The following MAP2K2 variants were observed in gnomAD, a reference collection of about 807,000 sequenced individuals.
MAP2K2 encodes the protein mitogen-activated protein kinase kinase 2, also known as dual specificity mitogen-activated protein kinase kinase 2.
A neutral mutation model predicts 43.7 loss-of-function variants in MAP2K2; 24 were observed. The observed-to-expected ratio is 0.55, with a 90% CI of 0.40 to 0.77. MAP2K2 has a LOEUF of 0.77. Ranked by LOEUF, MAP2K2 falls within the 30% of genes least tolerant of loss-of-function variation. MAP2K2 has a pLI of 0.00. For missense variants in MAP2K2, 470 were observed against 566.8 expected (o/e 0.83, Z 1.73); for synonymous variants, 244 against 239.7 (o/e 1.02, Z -0.17).
intron 6 of MAP2K2, 105 bp from the exon 7 acceptor site, chr19:4,099,519 G>T: frequency 3.3e-6 from 3 of 902,236 alleles, no homozygotes; most frequent in South Asian, 3.0e-5. Context: ...CATGGCTAAT[G>T]ACCGCAGCAA....
chr19:4,090,761 G>T, intron 10 of MAP2K2, 53 bp from the exon 11 acceptor site: 2 of 1,240,488 alleles, frequency 1.6e-6, no homozygotes, highest in Non-Finnish European at 2.3e-6. Flanking sequence ...CAGTAGGACG[G>T]GGAGGGCCAG....
At chr19:4,102,648 G>T (rs2041030944) in intron 3 of MAP2K2, 195 bp from the exon 4 acceptor site, 1 of 947,402 alleles carries the variant, frequency 1.1e-6, no homozygotes, top group Admixed American at 2.1e-5. Context: ...CCACCCACAA[G>T]GTGGGGAAGG....
intron 3 of MAP2K2, chr19:4,102,907 G>C: frequency 3.4e-5 from 39 of 1,152,472 alleles, no homozygotes; most frequent in Non-Finnish European, 4.2e-5. Flanking sequence ...CGAAGGGAAG[G>C]GGAGGGTGAG....
chr19:4,096,079 T>C (rs2040913054), intron 8 of MAP2K2, among the ~76,000 whole-genome samples: 1 of 152,212 alleles, frequency 6.6e-6, no homozygotes, highest in African/African-American at 2.4e-5. Flanking sequence ...CCGGCCAAAC[T>C]GGGTCCACAG....
intron 8 of MAP2K2, among the ~76,000 whole-genome samples, chr19:4,096,950 G>T (rs1053198491): frequency 2.6e-5 from 4 of 151,220 alleles, no homozygotes; most frequent in African/African-American, 9.7e-5. Flanking sequence ...ATTGGTTCAA[G>T]AATTGCTTGA....
In MAP2K2 at chr19:4,101,409, T is replaced by C; in HGVS notation, c.529-129A>G. The C allele has an allele frequency of 9.7e-7, 1 of 1,033,994 alleles. No individual in the cohort carries two copies. Among genetic ancestry groups the C allele is most frequent in the Non-Finnish European group, 1.5e-6 (1 of 678,078 alleles). The allele number at this position is 1,033,994 out of a possible 1,614,324, so 64.1% of individuals were successfully genotyped here. On this transcript the variant is annotated intron_variant, in intron 4 of 10. Transcript: ENST00000262948. This position sits in a 1 kb window ranked among gnomAD's most constrained non-coding sequence, Gnocchi z 6.3. Reference sequence around the variant, plus strand: ...CTGCGGCAGGAACCATTTCAGGCTGTGAGGAGCTCGCTGGGGTGGAGCAAG... The same window carrying C: ...CTGCGGCAGGAACCATTTCAGGCTGCGAGGAGCTCGCTGGGGTGGAGCAAG...
intron 3 of MAP2K2, among the ~76,000 whole-genome samples, chr19:4,108,934 C>T (rs1196362960): frequency 3.3e-5 from 5 of 152,210 alleles, no homozygotes; most frequent in African/African-American, 9.6e-5. Context: ...CCCTTTGATG[C>T]CGCCGGCAAC....
chr19:4,108,082 C>T (rs1273120418), intron 3 of MAP2K2, among the ~76,000 whole-genome samples: 2 of 152,176 alleles, frequency 1.3e-5, no homozygotes, highest in African/African-American at 2.4e-5. Context: ...AACCTATGGG[C>T]ACTCAGGTGA....
intron 1 of MAP2K2, among the ~76,000 whole-genome samples, chr19:4,119,236 T>A (rs2041264171): frequency 1.3e-5 from 2 of 152,162 alleles, no homozygotes; most frequent in Admixed American, 1.3e-4. Context: ...TATTATTATT[T>A]TCTGAGACAA....
Position 4,099,307 on chromosome 19 carries a change from G to C in MAP2K2, c.813C>G (p.Asp271Glu), listed in dbSNP as rs201726622. Residue 271 changes from aspartate to glutamate, a missense_variant, in exon 7 of 11, where the codon GAC becomes GAG. Coordinates refer to ENST00000262948, the MANE Select transcript of MAP2K2 (RefSeq NM_030662.4). ...AVGRYPIPPP[D>E]AKELEAIFGR... ...CAAAGATGGCCTCCAGCTCTTTGGC[G>C]TCGGGCGGGGGGATGGGGTACCTTC... 97 of 1,606,922 alleles carry C rather than the reference G, an allele frequency of 6.0e-5. No individual in the cohort carries two copies. Among genetic ancestry groups the C allele is most frequent in the Admixed American group, 2.0e-4 (12 of 59,090 alleles).
intron 8 of MAP2K2, 71 bp downstream of exon 8, chr19:4,097,205 TAAA>T (rs10681431): frequency 6.7e-3 from 3,779 of 567,896 alleles, no homozygotes; most frequent in Non-Finnish European, 7.6e-3. Context: ...AGACTCTGCC[TAAA>T]AAAAAAAAAA....
rs942056911 is a variant in MAP2K2, at chr19:4,095,103, C to T, written c.1046+285G>A. ...GCACACCAGGGGTCCGGGGACCAGA[C>T]AGAGGCTTCTCCTGCTGCAGACAGT... On this transcript the variant is annotated intron_variant, in intron 9 of 10. Coordinates refer to ENST00000262948, the MANE Select transcript of MAP2K2 (RefSeq NM_030662.4). The T allele has an allele frequency of 1.6e-5, 7 of 425,192 alleles. 1 individual carries two copies. Among genetic ancestry groups the T allele is most frequent in the Admixed American group, 7.5e-5 (2 of 26,496 alleles). The allele number at this position is 425,192 out of a possible 1,614,324, so 26.3% of individuals were successfully genotyped here.
chr19:4,117,281 A>G (rs1353500629), intron 2 of MAP2K2, 138 bp downstream of exon 2: 6 of 832,796 alleles, frequency 7.2e-6, no homozygotes, highest in African/African-American at 1.7e-5. Context: ...CTCAGGACCT[A>G]GAGTCCCTGG....
chr19:4,104,395 A>G (rs377521565), intron 3 of MAP2K2, among the ~76,000 whole-genome samples: 16 of 146,122 alleles, frequency 1.1e-4, no homozygotes, highest in African/African-American at 4.1e-4. Flanking sequence ...GTGAGACCCC[A>G]TACCAAAATC....
intron 3 of MAP2K2, among the ~76,000 whole-genome samples, chr19:4,106,709 G>A (rs1009182541): frequency 2.0e-5 from 3 of 151,926 alleles, no homozygotes; most frequent in African/African-American, 7.3e-5. Flanking sequence ...CCCAGCCCAT[G>A]CTATGTTTAT....
In MAP2K2 at chr19:4,101,269, G is replaced by A; in HGVS notation, c.540C>T (p.Gly180=). ...LGKVSIAVLR[G]LAYLREKHQI... ...GGTGCTTCTCTCGGAGGTACGCCAA[G>A]CCCCGGAGAACCTGCAGGGGAGCGC... Residue 180 remains glycine (G), a synonymous_variant, in exon 5 of 11, where the codon GGC becomes GGT. Coordinates refer to ENST00000262948, the MANE Select transcript of MAP2K2 (RefSeq NM_030662.4). The surrounding 1 kb of genome is among the most constrained non-coding windows in gnomAD (Gnocchi z 6.3). The A allele has an allele frequency of 6.3e-7, 1 of 1,582,722 alleles. No individual in the cohort carries two copies. Among genetic ancestry groups the A allele is most frequent in the Non-Finnish European group, 8.6e-7 (1 of 1,165,170 alleles).
At chr19:4,107,287 G>A (rs959328046) in intron 3 of MAP2K2, among the ~76,000 whole-genome samples, 1 of 152,068 alleles carries the variant, frequency 6.6e-6, no homozygotes, top group Admixed American at 6.6e-5. Flanking sequence ...ACTTTTGGGA[G>A]GCAGAGGCAG....
At position 4,101,716 on chromosome 19, in the gene MAP2K2, C is replaced by CTGGA. The variant is rs1266458355; in HGVS notation, c.529-437_529-436insTCCA. 1.3e-5 allele frequency among the ~76,000 whole-genome samples: 2 copies of CTGGA among 152,158 alleles called. No homozygotes were observed. Among genetic ancestry groups the CTGGA allele is most frequent in the Non-Finnish European group, 2.9e-5 (2 of 68,006 alleles). ...TGCCTGGGAAGGACGATGTTTCCCCCAGGCCCGCCCTGGAAGCAGCATCCC... is the reference window on the plus strand; with the variant it reads ...TGCCTGGGAAGGACGATGTTTCCCCCTGGAAGGCCCGCCCTGGAAGCAGCATCCC... On this transcript the variant is annotated intron_variant, in intron 4 of 10. Coordinates refer to ENST00000262948, the MANE Select transcript of MAP2K2 (RefSeq NM_030662.4). The surrounding 1 kb of genome is among the most constrained non-coding windows in gnomAD (Gnocchi z 6.3).
chr19:4,093,768 CTT>C (rs2040876942), intron 10 of MAP2K2, among the ~76,000 whole-genome samples: 2 of 152,188 alleles, frequency 1.3e-5, no homozygotes, highest in Admixed American at 6.5e-5. Context: ...GCTGGCATCT[CTT>C]CTTTTCTTAC....
Sources: gnomAD v4.1 joint callset for allele counts (sites outside exome capture counted in the v4.1 genomes callset) on GRCh38, gnomAD v4.1.1 for gene constraint, Gnocchi (gnomAD v3.1) non-coding constraint, MANE v1.5 for transcripts, NCBI Gene and HGNC (gene_info 2026-07-23, HGNC 2026-07-21) for gene names.